Variants in PKD1L1 observed in about 807,000 individuals in gnomAD.
PKD1L1 encodes the protein polycystin-1-like protein 1.
In PKD1L1, 236 loss-of-function variants were observed where a neutral mutation model predicts 323.4. The observed-to-expected ratio is 0.73, with a 90% CI of 0.66 to 0.81. The LOEUF is 0.81. PKD1L1 is among the 40% of genes least tolerant of loss of function. The pLI is 0.00. For missense variants in PKD1L1, 3,320 were observed against 3,508.0 expected (o/e 0.95, Z 1.35); for synonymous variants, 1,344 against 1,335.0 (o/e 1.01, Z -0.15).
intron 8 of PKD1L1, among the ~76,000 whole-genome samples, chr7:47,912,587 G>A (rs556074191): frequency 1.3e-5 from 2 of 151,996 alleles, no homozygotes; most frequent in South Asian, 4.2e-4. Context: ...AGGCTGAGGC[G>A]GGTGGATCGC....
At chr7:47,958,994 GTA>G in the PKD1L1 span, among the ~76,000 whole-genome samples, 1 of 152,234 alleles carries the variant, frequency 6.6e-6, no homozygotes, top group Non-Finnish European at 1.5e-5. Flanking sequence ...ACTGGTTTTC[GTA>G]TTTTTTTGGT....
At chr7:47,872,817 C>G (rs1046862939) in intron 24 of PKD1L1, among the ~76,000 whole-genome samples, 3 of 152,140 alleles carry the variant, frequency 2.0e-5, no homozygotes, top group Non-Finnish European at 4.4e-5. Context: ...TAGTTACCTA[C>G]CCAAGGAAAA....
intron 56 of PKD1L1, among the ~76,000 whole-genome samples, chr7:47,788,984 G>T (rs1786878345): frequency 6.6e-6 from 1 of 152,042 alleles, no homozygotes; most frequent in African/African-American, 2.4e-5. Flanking sequence ...TCTGCTGCTG[G>T]ATTCTATTTG....
intron 24 of PKD1L1, 106 bp from the exon 25 acceptor site, chr7:47,866,720 C>G (rs998743061): frequency 1.1e-6 from 1 of 893,886 alleles, no homozygotes; most frequent in Non-Finnish European, 1.7e-6. Context: ...ACCTCTTGGA[C>G]AGGGCAGGGT....
intron 56 of PKD1L1, among the ~76,000 whole-genome samples, chr7:47,780,197 G>T (rs1026995252): frequency 1.3e-5 from 2 of 152,048 alleles, no homozygotes; most frequent in Non-Finnish European, 2.9e-5. Flanking sequence ...TTAACGTAAA[G>T]AACATTCCAT....
chr7:47,843,557 TC>T (rs1001363395), intron 33 of PKD1L1, among the ~76,000 whole-genome samples: 11 of 152,188 alleles, frequency 7.2e-5, no homozygotes, highest in Admixed American at 2.0e-4. Context: ...ATTATGTTCC[TC>T]CCTCTCTCCC....
the PKD1L1 span, among the ~76,000 whole-genome samples, chr7:47,954,298 C>A: frequency 6.6e-6 from 1 of 152,148 alleles, no homozygotes; most frequent in East Asian, 1.9e-4. Context: ...TTTGGTAAGG[C>A]TTATGTTATG....
intron 4 of PKD1L1, among the ~76,000 whole-genome samples, chr7:47,933,613 C>G (rs1787813335): frequency 6.6e-6 from 1 of 152,198 alleles, no homozygotes; most frequent in Non-Finnish European, 1.5e-5. Context: ...CCCCAACCCT[C>G]TCTTCACCAT....
rs945874188 is a variant in PKD1L1, at chr7:47,839,662, G to A, written c.5553C>T (p.Ser1851=). Residue 1851 remains serine, a splice_region_variant and synonymous_variant, in exon 36 of 57, where the codon AGC becomes AGT. Transcript: ENST00000289672. The surrounding 1 kb of genome is among the most constrained non-coding windows in gnomAD (Gnocchi z 4.3). ...TCAGCAGGCCCAGTTGGGCAGGAGCGCTGGAGGCACACACAGCAGCATCTC... is the reference window on the plus strand; with the variant it reads ...TCAGCAGGCCCAGTTGGGCAGGAGCACTGGAGGCACACACAGCAGCATCTC... ...ERNSRHTFIL[S]APAQLGLLRK... The A allele has an allele frequency of 8.3e-6, 13 of 1,562,688 alleles. No homozygotes were observed. Among genetic ancestry groups the A allele is most frequent in the Middle Eastern group, 3.3e-4 (2 of 5,980 alleles).
chr7:47,880,227 C>A (rs1045742384), intron 21 of PKD1L1, among the ~76,000 whole-genome samples: 2 of 135,634 alleles, frequency 1.5e-5, no homozygotes, highest in Non-Finnish European at 3.1e-5. Context: ...TCAACTTGTG[C>A]AGTTGTCTAG....
intron 46 of PKD1L1, chr7:47,819,687 C>T (rs1219487043): frequency 2.6e-6 from 2 of 783,280 alleles, no homozygotes; most frequent in African/African-American, 1.8e-5. Flanking sequence ...CTACAGAACA[C>T]CCAGACTCAT....
At chr7:47,860,599 G>A (rs1786002446) in intron 26 of PKD1L1, among the ~76,000 whole-genome samples, 1 of 152,148 alleles carries the variant, frequency 6.6e-6, no homozygotes, top group African/African-American at 2.4e-5. Flanking sequence ...CCCTTTACAT[G>A]AGGTAGCTTA....
At chr7:47,799,343 G>A (rs965746699) in intron 54 of PKD1L1, among the ~76,000 whole-genome samples, 1 of 152,194 alleles carries the variant, frequency 6.6e-6, no homozygotes, top group African/African-American at 2.4e-5. Context: ...TTGTCAAGGT[G>A]TGAACATGAG....
Position 47,808,351 on chromosome 7 carries a change from C to A in PKD1L1, c.7723G>T (p.Val2575Phe). 3 of 1,614,170 alleles carry A rather than the reference C, an allele frequency of 1.9e-6. No homozygotes were observed. Among genetic ancestry groups the A allele is most frequent in the Non-Finnish European group, 2.5e-6 (3 of 1,180,034 alleles). The change falls in exon 52 of 57, where the codon GTT (valine) becomes TTT (phenylalanine). Residue 2575 changes from valine (V) to phenylalanine (F), a missense_variant. Val to Phe is a conservative substitution (Grantham distance 50, BLOSUM62 -1). Transcript: ENST00000289672. ...GCAAGAGTAACAAGGTGGCCGGAAA[C>A]TGCATAGTAGGTGAGGCTCACTCCA... ...VVGVSLTYYA[V>F]SGHLVTLAGD...
intron 47 of PKD1L1, 112 bp from the exon 48 acceptor site, chr7:47,814,126 A>G: frequency 1.3e-6 from 1 of 753,210 alleles, no homozygotes. Context: ...GCTACCATAG[A>G]GGTCAGAGTT....
At chr7:47,789,669 G>A (rs1374645603) in intron 56 of PKD1L1, among the ~76,000 whole-genome samples, 1 of 152,066 alleles carries the variant, frequency 6.6e-6, no homozygotes, top group Admixed American at 6.6e-5. Flanking sequence ...ATGGGATTTC[G>A]TCTGTCAGTG....
intron 2 of PKD1L1, among the ~76,000 whole-genome samples, chr7:47,943,159 AAAAAATATATATATATATATATATAT>A (rs1563001720): frequency 1.4e-5 from 1 of 73,754 alleles, no homozygotes; most frequent in African/African-American, 6.2e-5. Flanking sequence ...AAAAAAAAAA[AAAAAATATATATATATATATATATAT>A]ATATATATAT....
chr7:47,886,859 T>C (rs1300294722), intron 17 of PKD1L1, among the ~76,000 whole-genome samples: 1 of 152,078 alleles, frequency 6.6e-6, no homozygotes, highest in Non-Finnish European at 1.5e-5. Context: ...ACAGCAAGTA[T>C]CTAGTATAAC....
In PKD1L1 at chr7:47,811,803, G is replaced by A; in HGVS notation, c.7581+14C>T. On this transcript the variant is annotated intron_variant, in intron 50 of 56. Transcript: ENST00000289672. ...TGTGCACCTCCAGGAGGCCCAAGAG[G>A]CAGGTCAGCTCACCTGGGGAAGCAT... 6.3e-7 allele frequency: 1 copy of A among 1,582,412 alleles called. No homozygotes were observed. The highest frequency in any genetic ancestry group is 8.6e-7 in the Non-Finnish European group (1 of 1,163,510).
Sources: gnomAD v4.1 joint callset for allele counts (sites outside exome capture counted in the v4.1 genomes callset) on GRCh38, gnomAD v4.1.1 for gene constraint, Gnocchi (gnomAD v3.1) non-coding constraint, MANE v1.5 for transcripts, NCBI Gene and HGNC (gene_info 2026-07-23, HGNC 2026-07-21) for gene names.